Variants in SGCZ observed in about 807,000 individuals in gnomAD.
The protein encoded by SGCZ is zeta-sarcoglycan.
A neutral mutation model predicts 41.3 loss-of-function variants in SGCZ; 40 were observed. The ratio of observed to expected loss-of-function variants is 0.97; its 90% confidence interval spans 0.75 to 1.26. SGCZ has a LOEUF of 1.26. Among genes scored for constraint, SGCZ ranks in the 50% most tolerant of loss-of-function variants. The probability of loss-of-function intolerance (pLI) is 0.00; values close to 1 mark genes in which losing one functional copy is unlikely to be tolerated. For synonymous variants in SGCZ, 206 were observed against 137.5 expected, an observed-to-expected ratio of 1.50 and a Z score of -3.49; for missense variants, 552 against 369.8, an observed-to-expected ratio of 1.49 and a Z score of -4.04.
At chr8:14,934,673 G>T (rs912040504) in intron 1 of SGCZ, among the ~76,000 whole-genome samples, 1 of 151,626 alleles carries the variant, frequency 6.6e-6, no homozygotes, top group African/African-American at 2.4e-5. Flanking sequence ...AAAACAAAAT[G>T]TTAAGGGATA....
intron 3 of SGCZ, among the ~76,000 whole-genome samples, chr8:14,312,851 C>G (rs1801593502): frequency 6.6e-6 from 1 of 152,074 alleles, no homozygotes; most frequent in African/African-American, 2.4e-5. Flanking sequence ...TAAAGAAAAA[C>G]TACACAGCAT....
chr8:15,163,637 T>G (rs1799575636), intron 1 of SGCZ, among the ~76,000 whole-genome samples: 1 of 152,248 alleles, frequency 6.6e-6, no homozygotes, highest in South Asian at 2.1e-4. Flanking sequence ...AAATTACTGC[T>G]AAGTTTAACT....
chr8:14,428,119 C>T (rs1373775644), intron 2 of SGCZ, among the ~76,000 whole-genome samples: 23 of 98,070 alleles, frequency 2.3e-4, no homozygotes, highest in South Asian at 7.1e-4. Flanking sequence ...CACACACACA[C>T]ACACACACAC....
chr8:14,621,485 A>T (rs761426621), intron 1 of SGCZ, among the ~76,000 whole-genome samples: 1 of 152,012 alleles, frequency 6.6e-6, no homozygotes, highest in African/African-American at 2.4e-5. Context: ...CAAAAAAAAT[A>T]AAAATAAAAT....
intron 1 of SGCZ, among the ~76,000 whole-genome samples, chr8:15,134,504 G>T (rs183529098): frequency 2.6e-5 from 4 of 151,016 alleles, no homozygotes; most frequent in Admixed American, 6.6e-5. Flanking sequence ...GAAAAATAGC[G>T]CATTTTTTTT....
chr8:15,201,431 C>T (rs888091552), intron 1 of SGCZ, among the ~76,000 whole-genome samples: 2 of 152,218 alleles, frequency 1.3e-5, no homozygotes, highest in Non-Finnish European at 2.9e-5. Flanking sequence ...AACAATCCAG[C>T]AAGGTAGAGC....
intron 1 of SGCZ, among the ~76,000 whole-genome samples, chr8:14,787,914 A>T (rs541013374): frequency 6.6e-6 from 1 of 152,324 alleles, no homozygotes; most frequent in Admixed American, 6.5e-5. Context: ...AGTATCAAAG[A>T]TAACTATGAT....
At chr8:14,969,852 G>T (rs1034684673) in intron 1 of SGCZ, among the ~76,000 whole-genome samples, 1 of 152,012 alleles carries the variant, frequency 6.6e-6, no homozygotes, top group African/African-American at 2.4e-5. Flanking sequence ...GCAAGTCTAC[G>T]TATGGAGATA....
At chr8:14,393,593 C>G (rs1343247869) in intron 2 of SGCZ, among the ~76,000 whole-genome samples, 2 of 152,174 alleles carry the variant, frequency 1.3e-5, no homozygotes, top group African/African-American at 4.8e-5. Context: ...TCGGTGCATT[C>G]ACCATCAGCT....
chr8:14,476,543 G>A lies in SGCZ; in HGVS notation c.234+78189C>T, dbSNP rs568458156. Among the ~76,000 whole-genome samples, 10 of 152,114 alleles carry A rather than the reference G, an allele frequency of 6.6e-5. No individual in the cohort carries two copies. In the East Asian group the frequency reaches 1.9e-3, roughly 29 times the overall value. On this transcript the variant is annotated intron_variant, in intron 2 of 7. Transcript: ENST00000382080. Reference sequence around the variant, plus strand: ...GTAATTTTAAAAAGCCCACAATGATGCCACATTTCTCTCTCTAACTCTTGA... The same window carrying A: ...GTAATTTTAAAAAGCCCACAATGATACCACATTTCTCTCTCTAACTCTTGA...
rs189335386 is a variant in SGCZ at position 15,015,142 on chromosome 8, C to T, written c.39+222443G>A. 3.9e-3 allele frequency among the ~76,000 whole-genome samples: 593 copies of T among 151,950 alleles called. 5 individuals carry two copies. Among genetic ancestry groups the T allele is most frequent in the African/African-American group, 0.014 (570 of 41,430 alleles). On this transcript the variant is annotated intron_variant, in intron 1 of 7. Transcript: ENST00000382080. Reference sequence around the variant, plus strand: ...CCTATAGTCCCAGCTACTTGGGAGGCTGAGGTGGAAGGATTGCTTGAACCT... The same window carrying T: ...CCTATAGTCCCAGCTACTTGGGAGGTTGAGGTGGAAGGATTGCTTGAACCT...
intron 5 of SGCZ, among the ~76,000 whole-genome samples, chr8:14,128,244 A>G (rs1802925876): frequency 6.6e-6 from 1 of 152,234 alleles, no homozygotes; most frequent in African/African-American, 2.4e-5. Context: ...AGAGACATAA[A>G]TGGCCAACAA....
intron 1 of SGCZ, among the ~76,000 whole-genome samples, chr8:14,828,433 ACT>A (rs1802414244): frequency 6.6e-6 from 1 of 152,178 alleles, no homozygotes; most frequent in African/African-American, 2.4e-5. Flanking sequence ...AGTTAAGCAA[ACT>A]CTACTTGATG....
At chr8:14,782,252 T>C (rs1358494937) in intron 1 of SGCZ, among the ~76,000 whole-genome samples, 1 of 152,236 alleles carries the variant, frequency 6.6e-6, no homozygotes, top group East Asian at 1.9e-4. Context: ...CTGAGATTAT[T>C]TGAGTAAAAA....
In SGCZ at chr8:14,823,169, G is replaced by A. The variant is rs779085183; in HGVS notation, c.40-268243C>T. 4.0e-5 allele frequency among the ~76,000 whole-genome samples: 6 copies of A among 151,456 alleles called. 1 individual carries two copies. Among genetic ancestry groups the A allele is most frequent in the Non-Finnish European group, 7.4e-5 (5 of 67,962 alleles). ...GGAAATGCTTCATGACATTGGGCTA[G>A]GCAAGAAATTTTTAAATAAGACTTC... On this transcript the variant is annotated intron_variant, in intron 1 of 7. Coordinates refer to ENST00000382080, the MANE Select transcript of SGCZ (RefSeq NM_139167.4).
chr8:15,052,829 C>T (rs1286186230), intron 1 of SGCZ, among the ~76,000 whole-genome samples: 1 of 152,088 alleles, frequency 6.6e-6, no homozygotes, highest in Non-Finnish European at 1.5e-5. Context: ...GATTTCAGAA[C>T]ACGTTGAAGG....
intron 1 of SGCZ, among the ~76,000 whole-genome samples, chr8:14,890,046 G>A (rs536289371): frequency 6.6e-4 from 101 of 151,998 alleles, no homozygotes; most frequent in African/African-American, 2.3e-3. Context: ...GTGAAACTCC[G>A]TCTCTACTAA....
intron 1 of SGCZ, among the ~76,000 whole-genome samples, chr8:14,800,812 A>G (rs1192147613): frequency 6.6e-6 from 1 of 152,192 alleles, no homozygotes; most frequent in Non-Finnish European, 1.5e-5. Flanking sequence ...GTAAGAACAG[A>G]CTAATACACT....
chr8:14,606,818 T>G (rs1805765593), intron 1 of SGCZ, among the ~76,000 whole-genome samples: 1 of 152,186 alleles, frequency 6.6e-6, no homozygotes, highest in African/African-American at 2.4e-5. Context: ...TTGCTGTTAT[T>G]GCTATCTTTA....
Sources: allele counts gnomAD v4.1 joint callset (sites outside exome capture counted in the v4.1 genomes callset), GRCh38; gene constraint gnomAD v4.1.1; transcripts MANE v1.5; gene names NCBI Gene and HGNC (gene_info 2026-07-23, HGNC 2026-07-21).